Variants in ATM observed in about 807,000 individuals in gnomAD.
ATM encodes the protein ATM serine/threonine kinase.
In ATM, 308 loss-of-function variants were observed where a neutral mutation model predicts 387.0. The ratio of observed to expected loss-of-function variants is 0.80; its 90% CI spans 0.73 to 0.87. ATM has a LOEUF of 0.87. Ranked by LOEUF, ATM falls within the 40% of genes least tolerant of loss-of-function variation. The pLI is 0.00. For missense variants in ATM, 3,312 were observed against 3,560.9 expected, an observed-to-expected ratio of 0.93 and a Z score of 1.78; for synonymous variants, 1,156 against 1,187.3, an observed-to-expected ratio of 0.97 and a Z score of 0.54.
chr11:108,328,777 A>G (rs1256765732), intron 48 of ATM, among the ~76,000 whole-genome samples: 1 of 152,226 alleles, frequency 6.6e-6, no homozygotes, highest in East Asian at 1.9e-4. Context: ...AAAAAAAATC[A>G]CAAAAGAAAT....
In ATM at chr11:108,251,084, A is replaced by G; in HGVS notation, c.1607+12A>G. 1.2e-6 allele frequency: 2 copies of G among 1,613,912 alleles called. No individual in the cohort carries two copies. Among genetic ancestry groups the G allele is most frequent in the South Asian group, 1.1e-5 (1 of 91,074 alleles). On this transcript the variant is annotated intron_variant, in intron 10 of 62. Coordinates refer to ENST00000675843, the MANE Select transcript of ATM (RefSeq NM_000051.4). ...TGCAGACCTTCATGGTAAGTTCAGC[A>G]TGCATTATGTCTGACTTACAGATAA...
intron 51 of ATM, 117 bp from the exon 52 acceptor site, chr11:108,331,762 C>T (rs1229742663): frequency 1.3e-5 from 18 of 1,336,686 alleles, no homozygotes; most frequent in Admixed American, 8.0e-5. Context: ...CAGGCATACA[C>T]GCTCTACCCA....
intron 5 of ATM, among the ~76,000 whole-genome samples, chr11:108,237,157 C>T (rs2079320516): frequency 6.6e-6 from 1 of 152,148 alleles, no homozygotes; most frequent in Non-Finnish European, 1.5e-5. Flanking sequence ...GAATAAATGC[C>T]TTCTCAGCTA....
intron 50 of ATM, among the ~76,000 whole-genome samples, chr11:108,330,777 G>A (rs2086167644): frequency 6.6e-6 from 1 of 152,160 alleles, no homozygotes; most frequent in African/African-American, 2.4e-5. Context: ...TAAAGATGAT[G>A]TGATCACAGG....
chr11:108,310,961 T>G (rs2136034446), intron 39 of ATM, among the ~76,000 whole-genome samples: 1 of 152,280 alleles, frequency 6.6e-6, no homozygotes, highest in Middle Eastern at 3.4e-3. Context: ...CCAACTGCTC[T>G]TTTCAAATGT....
intron 16 of ATM, among the ~76,000 whole-genome samples, 181 bp downstream of exon 16, chr11:108,259,256 G>A (rs4987964): frequency 6.6e-6 from 1 of 152,132 alleles, no homozygotes; most frequent in East Asian, 1.9e-4. Context: ...TTGGGAGGCC[G>A]AGGTGGGTGG....
At chr11:108,273,028 A>G (rs926429179) in intron 22 of ATM, among the ~76,000 whole-genome samples, 176 bp downstream of exon 22, 4 of 152,124 alleles carry the variant, frequency 2.6e-5, no homozygotes, top group South Asian at 4.1e-4. Flanking sequence ...CTTAGATTCT[A>G]TTATTTCCTT....
chr11:108,262,287 C>A (rs374964320), intron 16 of ATM, among the ~76,000 whole-genome samples: 8 of 152,224 alleles, frequency 5.3e-5, no homozygotes, highest in Non-Finnish European at 7.4e-5. Flanking sequence ...CGGATCTCTC[C>A]GCAGAAACTC....
rs748949478 is a variant in ATM, at chr11:108,292,674, T to C, written c.4492T>C (p.Leu1498=). ...LRSFSLCCDL[L]SQVCQTAVTY... is the part of the protein sequence containing the mutation. ...TAGCTTCTCCCTTTGTTGTGACTTATTAAGTCAGGTTTGCCAGACAGCCGT... is the reference window on the plus strand; with the variant it reads ...TAGCTTCTCCCTTTGTTGTGACTTACTAAGTCAGGTTTGCCAGACAGCCGT... The change falls in exon 30 of 63, where the codon TTA becomes CTA. Residue 1498 remains leucine, a synonymous_variant. Transcript: ENST00000675843. 36 of 1,613,914 alleles carry C rather than the reference T, an allele frequency of 2.2e-5. No individual in the cohort carries two copies. The highest frequency in any genetic ancestry group is 2.7e-5 in the Non-Finnish European group (32 of 1,179,964).
At chr11:108,293,890 AAAAAATAT>A (rs1239295972) in intron 31 of ATM, among the ~76,000 whole-genome samples, 8 of 110,188 alleles carry the variant, frequency 7.3e-5, no homozygotes, top group African/African-American at 2.3e-4. Context: ...AAAAAAAAAA[AAAAAATAT>A]ATATATATAT....
chr11:108,237,642 G>T (rs1433165462), intron 5 of ATM, among the ~76,000 whole-genome samples: 2 of 152,042 alleles, frequency 1.3e-5, no homozygotes, highest in African/African-American at 4.8e-5. Flanking sequence ...TATATATTTG[G>T]TACAGGTGGT....
chr11:108,332,859 T>C lies in ATM; in HGVS notation c.7886T>C (p.Ile2629Thr). ...SVEALCDAYI[I>T]LANLDATQWK... ...GAGGCACTTTGTGATGCTTATATTA[T>C]ATTAGCAAACTTAGATGCCACTCAG... Residue 2629 changes from isoleucine (I) to threonine (T), a missense_variant, in exon 53 of 63, where the codon ATA becomes ACA. Physicochemically the swap from Ile to Thr is moderately conservative, Grantham distance 89. This residue lies in a region of ATM where 1,405 missense variants were observed against 1,604.4 expected (regional missense o/e 0.88). Transcript: ENST00000675843. 1 of 1,613,298 alleles carries C rather than the reference T, an allele frequency of 6.2e-7. No homozygotes were observed. The highest frequency in any genetic ancestry group is 2.2e-5 in the East Asian group (1 of 44,788).
At chr11:108,235,620 T>C (rs2135119612) in intron 4 of ATM, 50 bp from the exon 5 acceptor site, 1 of 1,472,298 alleles carries the variant, frequency 6.8e-7, no homozygotes, top group Non-Finnish European at 9.4e-7. Flanking sequence ...TCCAAGTGTC[T>C]TATTTTTGTT....
At chr11:108,353,643 A>C in intron 59 of ATM, 123 bp from the exon 60 acceptor site, 1 of 774,570 alleles carries the variant, frequency 1.3e-6, no homozygotes, top group Non-Finnish European at 2.3e-6. Flanking sequence ...ACTACTGTAC[A>C]TACTAGTGTT....
At chr11:108,357,120 T>C (rs949318295) in intron 61 of ATM, among the ~76,000 whole-genome samples, 2 of 152,178 alleles carry the variant, frequency 1.3e-5, no homozygotes, top group African/African-American at 2.4e-5. Context: ...GGGCAAGGCA[T>C]TGCCTCACTT....
rs1252299197 is a variant in ATM, at chr11:108,282,895, A to T, written c.3746+16A>T. The T allele has an allele frequency of 2.8e-6, 4 of 1,437,546 alleles. No individual in the cohort carries two copies. In the African/African-American group the frequency reaches 4.3e-5, roughly 15 times the overall value. The allele number at this position is 1,437,546 out of a possible 1,614,324, so 89.0% of individuals were successfully genotyped here. A position where few individuals can be genotyped will look rare whatever the true frequency, so the allele number is the denominator to read the frequency against. ...ATTTCTATAGGTAAGTTTATACATGACATATGTGAAATTTGTTTAATTTAA... is the reference window on the plus strand; with the variant it reads ...ATTTCTATAGGTAAGTTTATACATGTCATATGTGAAATTTGTTTAATTTAA... On this transcript the variant is annotated intron_variant, in intron 25 of 62. Coordinates refer to ENST00000675843, the MANE Select transcript of ATM (RefSeq NM_000051.4).
chr11:108,312,260 A>G (rs1423619190), intron 39 of ATM, 151 bp from the exon 40 acceptor site: 2 of 625,376 alleles, frequency 3.2e-6, no homozygotes, highest in Non-Finnish European at 5.8e-6. Context: ...CATCCTAGGT[A>G]TAAATGGTAT....
rs879254093 is a variant in ATM at position 108,250,928 on chromosome 11, G to A, written c.1463G>A (p.Trp488Ter). The A allele has an allele frequency of 6.2e-7, 1 of 1,613,968 alleles. No homozygotes were observed. Among genetic ancestry groups the A allele is most frequent in the Non-Finnish European group, 8.5e-7 (1 of 1,180,012 alleles). The change falls in exon 10 of 63, where the codon TGG becomes TAG. Residue 488 changes from tryptophan (W) to a stop codon, truncating the protein, a stop_gained. Transcript: ENST00000675843. LOFTEE classifies it high-confidence loss of function. ...TTATTAAAACTCTGGAATAAAATTT[G>A]GTGTATTACCTTTCGTGGTATAAGT... ...SDLLKLWNKIWCITFRGISSE... is the reference protein window; with the variant it reads ...SDLLKLWNKI
chr11:108,235,891 A>C (rs1463120200), intron 5 of ATM, 57 bp downstream of exon 5: 23 of 1,581,868 alleles, frequency 1.5e-5, no homozygotes, highest in Non-Finnish European at 1.7e-5. Context: ...AACTTCACCA[A>C]AGAAAGCACT....
Sources: gnomAD v4.1 joint callset for allele counts (sites outside exome capture counted in the v4.1 genomes callset) on GRCh38, gnomAD v4.1.1 for gene constraint, gnomAD v4.1.1 regional missense constraint, MANE v1.5 for transcripts, NCBI Gene and HGNC (gene_info 2026-07-23, HGNC 2026-07-21) for gene names.